The following MALRD1 variants were observed in gnomAD, a reference collection of about 807,000 sequenced individuals.
MALRD1 encodes the protein MAM and LDL receptor class A domain containing 1.
MALRD1 carries 247 observed loss-of-function variants against 242.1 expected under a neutral mutation model. The ratio of observed to expected loss-of-function variants is 1.02; its 90% confidence interval spans 0.92 to 1.13. MALRD1 has a LOEUF of 1.13. Ranked by LOEUF, MALRD1 falls within the 50% of genes most tolerant of loss-of-function variation. The pLI, the probability that MALRD1 is intolerant of heterozygous loss-of-function variation, is 0.00. For synonymous variants in MALRD1, 995 were observed against 866.6 expected, an observed-to-expected ratio of 1.15 and a Z score of -2.60; for missense variants, 2,989 against 2,533.1, an observed-to-expected ratio of 1.18 and a Z score of -3.86.
chr10:19,213,568 A>G (rs7100427), intron 18 of MALRD1, among the ~76,000 whole-genome samples: 2,014 of 152,282 alleles, frequency 0.013, 35 homozygotes, highest in African/African-American at 0.044. Flanking sequence ...ATTTTAGAAC[A>G]TATAGAATAC....
chr10:19,485,584 A>G (rs1212086954), intron 29 of MALRD1, among the ~76,000 whole-genome samples: 1 of 151,896 alleles, frequency 6.6e-6, no homozygotes, highest in African/African-American at 2.4e-5. Context: ...CGGACCTTGC[A>G]GTGAGCCCAG....
chr10:19,466,597 T>G (rs937212431), intron 29 of MALRD1, among the ~76,000 whole-genome samples: 2 of 152,202 alleles, frequency 1.3e-5, no homozygotes, highest in Admixed American at 6.5e-5. Context: ...CTCCACGGCT[T>G]GAAGATGATT....
intron 28 of MALRD1, among the ~76,000 whole-genome samples, chr10:19,412,623 C>T (rs1401601272): frequency 6.6e-6 from 1 of 151,972 alleles, no homozygotes; most frequent in African/African-American, 2.4e-5. Flanking sequence ...AACCTGTAGC[C>T]CTATAGTGAA....
intron 28 of MALRD1, among the ~76,000 whole-genome samples, chr10:19,420,624 T>C (rs985271243): frequency 1.3e-5 from 2 of 152,046 alleles, no homozygotes; most frequent in Non-Finnish European, 2.9e-5. Flanking sequence ...ATAAGGAACA[T>C]GTTATTTTTA....
At position 19,290,026 on chromosome 10, in the gene MALRD1, A is replaced by G. The variant is rs374609785; in HGVS notation, c.3419+6845A>G. 1.8e-4 allele frequency among the ~76,000 whole-genome samples: 28 copies of G among 152,338 alleles called. No homozygotes were observed. In the East Asian group the frequency reaches 1.9e-3, roughly 10 times the overall value. On this transcript the variant is annotated intron_variant, in intron 21 of 39. Transcript: ENST00000454679. ...TCTCTCGCTTTATGCACTTAATGAA[A>G]CAATAAAAAGTCTAAAGAAGCCACA...
chr10:19,556,280 A>G (rs1018691089), intron 32 of MALRD1, among the ~76,000 whole-genome samples: 2 of 152,086 alleles, frequency 1.3e-5, no homozygotes, highest in South Asian at 2.1e-4. Flanking sequence ...TGATGAGCCA[A>G]TATGGAGGCA....
At position 19,155,128 on chromosome 10, in the gene MALRD1, A is replaced by T. The variant is rs1834093126; in HGVS notation, c.1612A>T (p.Ser538Cys). The change falls in exon 12 of 40, where the codon AGT (serine) becomes TGT (cysteine). Residue 538 changes from serine to cysteine, a missense_variant. By Grantham distance (112) the Ser-to-Cys change is moderately radical (BLOSUM62 -1). Coordinates refer to ENST00000454679, the MANE Select transcript of MALRD1 (RefSeq NM_001142308.3). ...CTCCCCCGGGGTGGCCAAGCTTGGA[A>T]GTCCTGTTCTTACAAAATTGCTCAC... ...QRSPGVAKLG[S>C]PVLTKLLTAS... 8.1e-7 allele frequency: 1 copy of T among 1,231,442 alleles called. No individual in the cohort carries two copies. Among genetic ancestry groups the T allele is most frequent in the South Asian group, 4.1e-5 (1 of 24,304 alleles). The allele number at this position is 1,231,442 out of a possible 1,614,324, so 76.3% of individuals were successfully genotyped here. A position where few individuals can be genotyped will look rare whatever the true frequency, so the allele number is the denominator to read the frequency against.
chr10:19,320,067 AT>A (rs1842858676), intron 21 of MALRD1, among the ~76,000 whole-genome samples: 2 of 70,770 alleles, frequency 2.8e-5, no homozygotes, highest in African/African-American at 1.2e-4. Context: ...TTTTTTTCAA[AT>A]TTTACTTTAG....
At chr10:19,631,694 G>T (rs1017408809) in intron 36 of MALRD1, among the ~76,000 whole-genome samples, 3 of 152,108 alleles carry the variant, frequency 2.0e-5, no homozygotes, top group Admixed American at 6.5e-5. Context: ...TCTGATTGGT[G>T]TGAGATGCTA....
In MALRD1 at chr10:19,080,912, T is replaced by C. The variant is rs540977069; in HGVS notation, c.341-6928T>C. Among the ~76,000 whole-genome samples, 13 of 151,566 alleles carry C rather than the reference T, an allele frequency of 8.6e-5. 1 individual carries two copies. The South Asian group carries it at 2.7e-3, about 32-fold the overall frequency. On this transcript the variant is annotated intron_variant, in intron 2 of 39. Transcript: ENST00000454679. ...TCCAGAGTCTGCCAGAAACTTAAAT[T>C]TTCAGGAAAAAAACAAACAACCCCA...
intron 36 of MALRD1, among the ~76,000 whole-genome samples, chr10:19,651,827 A>G (rs1341192762): frequency 6.6e-6 from 1 of 152,204 alleles, no homozygotes; most frequent in Non-Finnish European, 1.5e-5. Flanking sequence ...CTTAGTTACA[A>G]GCAACAGAAA....
Position 19,049,123 on chromosome 10 carries a change from G to C in MALRD1, c.185G>C (p.Ser62Thr). 8.1e-7 allele frequency: 1 copy of C among 1,233,868 alleles called. No homozygotes were observed. Among genetic ancestry groups the C allele is most frequent in the Non-Finnish European group, 1.0e-6 (1 of 988,126 alleles). The allele number at this position is 1,233,868 out of a possible 1,614,324, so 76.4% of individuals were successfully genotyped here. Reference sequence around the variant, plus strand: ...TTCACAGATCAGTGTGGGGATAGCAGTGATGAACGGCACTGTAAGTGACAT... The same window carrying C: ...TTCACAGATCAGTGTGGGGATAGCACTGATGAACGGCACTGTAAGTGACAT... ...CDFTDQCGDSSDERHCLNYER... is the reference protein window; with the variant it reads ...CDFTDQCGDSTDERHCLNYER... The change falls in exon 1 of 40, where the codon AGT (serine) becomes ACT (threonine). Residue 62 changes from serine (S) to threonine (T), a missense_variant. Ser to Thr is a moderately conservative substitution (Grantham distance 58). Coordinates refer to ENST00000454679, the MANE Select transcript of MALRD1 (RefSeq NM_001142308.3).
intron 21 of MALRD1, among the ~76,000 whole-genome samples, chr10:19,284,025 G>C (rs957162936): frequency 1.3e-5 from 2 of 152,164 alleles, no homozygotes; most frequent in Non-Finnish European, 2.9e-5. Context: ...GTTAGTGATG[G>C]AGCATTTCTT....
chr10:19,269,300 G>C (rs1191661426), intron 19 of MALRD1, among the ~76,000 whole-genome samples: 1 of 152,212 alleles, frequency 6.6e-6, no homozygotes, highest in South Asian at 2.1e-4. Context: ...CTTATAATGG[G>C]ATTAGTGCTC....
At chr10:19,343,656 C>A (rs553654721) in intron 24 of MALRD1, among the ~76,000 whole-genome samples, 16 of 152,112 alleles carry the variant, frequency 1.1e-4, no homozygotes, top group African/African-American at 3.9e-4. Context: ...TCTTGAGATC[C>A]ATCAAAATTG....
chr10:19,459,004 C>T (rs1375592931), intron 29 of MALRD1, among the ~76,000 whole-genome samples: 1 of 152,018 alleles, frequency 6.6e-6, no homozygotes, highest in African/African-American at 2.4e-5. Context: ...TACTACCTAA[C>T]ACACAATGCA....
intron 38 of MALRD1, among the ~76,000 whole-genome samples, chr10:19,727,288 A>G (rs1835072784): frequency 6.6e-6 from 1 of 152,096 alleles, no homozygotes; most frequent in Non-Finnish European, 1.5e-5. Flanking sequence ...TTTTTGTTTT[A>G]TTCTTTTTTT....
At chr10:19,163,466 A>G (rs1834531635) in intron 12 of MALRD1, among the ~76,000 whole-genome samples, 1 of 149,186 alleles carries the variant, frequency 6.7e-6, no homozygotes, top group African/African-American at 2.5e-5. Flanking sequence ...AACAATGAAC[A>G]CAAAGAAGGA....
chr10:19,259,730 G>A (rs1484068479), intron 19 of MALRD1, among the ~76,000 whole-genome samples: 2 of 152,004 alleles, frequency 1.3e-5, no homozygotes, highest in Non-Finnish European at 2.9e-5. Flanking sequence ...CCTGTTCCTG[G>A]AACAGGTTTC....
Sources: gnomAD v4.1 joint callset for allele counts (sites outside exome capture counted in the v4.1 genomes callset) on GRCh38, gnomAD v4.1.1 for gene constraint, MANE v1.5 for transcripts, NCBI Gene and HGNC (gene_info 2026-07-23, HGNC 2026-07-21) for gene names.